Variants in SGCZ observed in about 807,000 individuals in gnomAD.
The protein encoded by SGCZ is zeta-sarcoglycan.
In SGCZ, 40 loss-of-function variants were observed where a neutral mutation model predicts 41.3. That is an observed-to-expected ratio of 0.97 (90% confidence interval 0.75 to 1.26). The LOEUF is 1.26. Among genes scored for constraint, SGCZ ranks in the 50% most tolerant of loss-of-function variants. The probability of loss-of-function intolerance (pLI) is 0.00; values close to 1 mark genes in which losing one functional copy is unlikely to be tolerated. For synonymous variants in SGCZ, 206 were observed against 137.5 expected, an observed-to-expected ratio of 1.50 and a Z score of -3.49; for missense variants, 552 against 369.8, an observed-to-expected ratio of 1.49 and a Z score of -4.04.
intron 1 of SGCZ, among the ~76,000 whole-genome samples, chr8:15,032,210 C>G (rs953574968): frequency 1.3e-5 from 2 of 152,094 alleles, no homozygotes; most frequent in African/African-American, 2.4e-5. Context: ...ACTTATATAA[C>G]TATCCATACA....
At position 14,264,849 on chromosome 8, in the gene SGCZ, G is replaced by C. The variant is rs961226604; in HGVS notation, c.337-27170C>G. On this transcript the variant is annotated intron_variant, in intron 3 of 7. Transcript: ENST00000382080. ...GTGGTGGCGGGCGCCTGTAGTCCCA[G>C]CTACTCGGGAGGCTGAGGCAGGAGA... Among the ~76,000 whole-genome samples the C allele has an allele frequency of 3.9e-5, 6 of 152,136 alleles. No homozygotes were observed. In the South Asian group the frequency reaches 6.2e-4, roughly 16 times the overall value.
At chr8:14,231,598 G>C (rs945098333) in intron 4 of SGCZ, among the ~76,000 whole-genome samples, 7 of 151,734 alleles carry the variant, frequency 4.6e-5, no homozygotes, top group Non-Finnish European at 7.4e-5. Flanking sequence ...AACATGCTCT[G>C]TTCATTTGTC....
intron 2 of SGCZ, among the ~76,000 whole-genome samples, chr8:14,412,443 G>T (rs1426531494): frequency 6.6e-6 from 1 of 151,974 alleles, no homozygotes; most frequent in African/African-American, 2.4e-5. Flanking sequence ...GGAATTATGT[G>T]GTGAAATATT....
intron 2 of SGCZ, among the ~76,000 whole-genome samples, chr8:14,461,022 C>G (rs969476267): frequency 6.6e-6 from 1 of 152,036 alleles, no homozygotes; most frequent in Non-Finnish European, 1.5e-5. Context: ...TTCTTCTCAT[C>G]CCATAGCACT....
At chr8:15,199,116 C>T (rs1020765597) in intron 1 of SGCZ, among the ~76,000 whole-genome samples, 1 of 152,178 alleles carries the variant, frequency 6.6e-6, no homozygotes, top group Non-Finnish European at 1.5e-5. Context: ...ACATCAACTT[C>T]GGATAGAAAT....
intron 1 of SGCZ, among the ~76,000 whole-genome samples, chr8:14,669,936 T>C (rs951509593): frequency 1.3e-5 from 2 of 152,196 alleles, no homozygotes; most frequent in South Asian, 2.1e-4. Flanking sequence ...CTAAATACAA[T>C]GTCCATGTCT....
intron 1 of SGCZ, among the ~76,000 whole-genome samples, chr8:14,718,371 A>G (rs1809765005): frequency 6.6e-6 from 1 of 152,048 alleles, no homozygotes; most frequent in Admixed American, 6.6e-5. Flanking sequence ...AGAAAGCAAA[A>G]TGTCACTAAA....
Position 14,729,330 on chromosome 8 carries a change from T to C in SGCZ, c.40-174404A>G, listed in dbSNP as rs1421030568. Among the ~76,000 whole-genome samples, 10 of 152,198 alleles carry C rather than the reference T, an allele frequency of 6.6e-5. No homozygotes were observed. The East Asian group carries it at 1.7e-3, about 26-fold the overall frequency. On this transcript the variant is annotated intron_variant, in intron 1 of 7. Transcript: ENST00000382080. ...ACCTTTCAGTGTTTATTCTTCAAAC[T>C]TGTATCATGCTATTGCGGACTGAAG... is the stretch of plus-strand genomic sequence containing the variant.
At chr8:14,667,488 G>A (rs139784219) in intron 1 of SGCZ, among the ~76,000 whole-genome samples, 1 of 152,220 alleles carries the variant, frequency 6.6e-6, no homozygotes, top group East Asian at 1.9e-4. Context: ...TTAACTTCCA[G>A]AGAAATGCAT....
intron 1 of SGCZ, among the ~76,000 whole-genome samples, chr8:14,566,156 T>G (rs1804352452): frequency 6.6e-6 from 1 of 152,238 alleles, no homozygotes; most frequent in Non-Finnish European, 1.5e-5. Context: ...AAAATAAGTG[T>G]TTAATCAGAA....
intron 1 of SGCZ, chr8:14,878,916 GTT>G (rs1563333857): frequency 2.0e-5 from 3 of 152,196 alleles, no homozygotes; most frequent in African/African-American, 7.2e-5. Context: ...CAGTTTTGTT[GTT>G]GTTGTTGTTG....
intron 1 of SGCZ, among the ~76,000 whole-genome samples, chr8:14,941,393 A>G (rs1018180123): frequency 2.6e-5 from 4 of 152,134 alleles, no homozygotes; most frequent in Non-Finnish European, 5.9e-5. Context: ...TTAACGCCTC[A>G]TTCATACAGC....
At chr8:15,023,468 T>A (rs1803331664) in intron 1 of SGCZ, among the ~76,000 whole-genome samples, 1 of 152,168 alleles carries the variant, frequency 6.6e-6, no homozygotes, top group Non-Finnish European at 1.5e-5. Flanking sequence ...AAATGGACCA[T>A]TAATGGACAC....
chr8:14,179,380 C>T (rs927470084), intron 4 of SGCZ, among the ~76,000 whole-genome samples: 1 of 152,144 alleles, frequency 6.6e-6, no homozygotes, highest in African/African-American at 2.4e-5. Context: ...TTTCTAGTAT[C>T]CCTTTAGCAG....
At chr8:14,807,536 C>A (rs574635870) in intron 1 of SGCZ, among the ~76,000 whole-genome samples, 1 of 151,676 alleles carries the variant, frequency 6.6e-6, no homozygotes, top group East Asian at 1.9e-4. Context: ...ATGTGAAGGA[C>A]CTCTTCAAGG....
intron 1 of SGCZ, among the ~76,000 whole-genome samples, chr8:14,740,909 G>C (rs1011149975): frequency 2.0e-5 from 3 of 151,970 alleles, no homozygotes; most frequent in Non-Finnish European, 4.4e-5. Context: ...GCACCCTTAA[G>C]ATGACATGGA....
intron 1 of SGCZ, among the ~76,000 whole-genome samples, chr8:14,640,276 G>T (rs78529755): frequency 2.0e-5 from 3 of 151,442 alleles, no homozygotes; most frequent in East Asian, 1.9e-4. Context: ...TGTTGCTATC[G>T]TATCTTTGCC....
At chr8:14,171,721 T>G (rs186895789) in intron 4 of SGCZ, among the ~76,000 whole-genome samples, 139 of 152,090 alleles carry the variant, frequency 9.1e-4, no homozygotes, top group African/African-American at 3.1e-3. Context: ...CCTCCTAATA[T>G]ATTTATTTAT....
At chr8:14,882,728 C>T (rs1209871245) in intron 1 of SGCZ, among the ~76,000 whole-genome samples, 1 of 152,042 alleles carries the variant, frequency 6.6e-6, no homozygotes, top group Admixed American at 6.6e-5. Flanking sequence ...CCTGGTAATA[C>T]CTTCCTCAAT....
Sources: gnomAD v4.1 joint callset for allele counts (sites outside exome capture counted in the v4.1 genomes callset) on GRCh38, gnomAD v4.1.1 for gene constraint, MANE v1.5 for transcripts, NCBI Gene and HGNC (gene_info 2026-07-23, HGNC 2026-07-21) for gene names.